The following MYO9B variants were observed in gnomAD, a reference collection of about 807,000 sequenced individuals.
MYO9B encodes unconventional myosin-IXb.
Under a neutral mutation model 229.5 loss-of-function variants are expected in MYO9B, and 71 were observed. The observed-to-expected ratio is 0.31, with a 90% confidence interval of 0.26 to 0.38. The LOEUF (loss-of-function observed/expected upper bound fraction) is 0.38. MYO9B is among the 10% of genes least tolerant of loss of function. MYO9B has a pLI of 1.00. For missense variants in MYO9B, 2,255 were observed against 2,920.5 expected (o/e 0.77, Z 5.25); for synonymous variants, 1,185 against 1,235.8 (o/e 0.96, Z 0.86).
At chr19:17,138,362 C>T (rs910923824) in intron 2 of MYO9B, among the ~76,000 whole-genome samples, 4 of 152,150 alleles carry the variant, frequency 2.6e-5, no homozygotes, top group African/African-American at 9.7e-5. Context: ...AGTAAACATA[C>T]GTGTGCATGT....
At chr19:17,117,744 C>T (rs10412482) in intron 2 of MYO9B, among the ~76,000 whole-genome samples, 58,033 of 151,550 alleles carry the variant, frequency 0.38, 12,168 homozygotes, top group African/African-American at 0.54. Flanking sequence ...TGGAGACCAG[C>T]CTGGCCAACA....
At chr19:17,114,899 T>C (rs909523051) in intron 2 of MYO9B, among the ~76,000 whole-genome samples, 10 of 151,320 alleles carry the variant, frequency 6.6e-5, no homozygotes, top group Middle Eastern at 3.5e-3. Context: ...CATTATCTCT[T>C]TTGGTTCCCC....
At chr19:17,185,191 C>T (rs1435663433) in intron 17 of MYO9B, among the ~76,000 whole-genome samples, 2 of 152,008 alleles carry the variant, frequency 1.3e-5, no homozygotes, top group African/African-American at 2.4e-5. Flanking sequence ...CTTGCTAACA[C>T]GGTGAAACCC....
In MYO9B at chr19:17,116,363, C is replaced by T. The variant is rs1016168183; in HGVS notation, c.840+13806C>T. On this transcript the variant is annotated intron_variant, in intron 2 of 39. Coordinates refer to ENST00000682292, the MANE Select transcript of MYO9B (RefSeq NM_004145.4). ...CTGACCAGAGGTGCATGCCCAAGGC[C>T]GCAAACCCCCTAGGAGGAAGCTGGC... 5.9e-5 allele frequency among the ~76,000 whole-genome samples: 9 copies of T among 152,236 alleles called. No individual in the cohort carries two copies. In the East Asian group the frequency reaches 9.7e-4, roughly 16 times the overall value.
chr19:17,118,258 C>T (rs1427318762), intron 2 of MYO9B, among the ~76,000 whole-genome samples: 1 of 151,826 alleles, frequency 6.6e-6, no homozygotes, highest in Non-Finnish European at 1.5e-5. Context: ...AAAATCTGGT[C>T]TGGCGCTCTG....
intron 2 of MYO9B, among the ~76,000 whole-genome samples, chr19:17,137,457 C>A (rs1010583429): frequency 1.3e-5 from 2 of 152,060 alleles, no homozygotes; most frequent in East Asian, 3.9e-4. Context: ...TGACCCAGTC[C>A]GCCCCCACCA....
chr19:17,147,332 C>T (rs571661295), intron 3 of MYO9B, among the ~76,000 whole-genome samples: 2 of 152,106 alleles, frequency 1.3e-5, no homozygotes, highest in East Asian at 1.9e-4. Context: ...CACCTGAAGT[C>T]GGGAGTTCAA....
chr19:17,159,603 G>A lies in MYO9B; in HGVS notation c.1419+119G>A, dbSNP rs949653322. On this transcript the variant is annotated intron_variant, in intron 8 of 39. Transcript: ENST00000682292. ...CCCTGAATGCTAGAATGGAACCTAG[G>A]CAGTGCCTCTGATTGTCATGCAAGC... The A allele has an allele frequency of 4.4e-6, 4 of 908,704 alleles. No homozygotes were observed. The African/African-American group carries it at 5.0e-5, about 11-fold the overall frequency. 56.3% of individuals were successfully genotyped at this position (908,704 alleles called of 1,614,324 possible). A position where few individuals can be genotyped will look rare whatever the true frequency, so the allele number is the denominator to read the frequency against.
At chr19:17,144,161 A>C (rs1286132776) in intron 2 of MYO9B, among the ~76,000 whole-genome samples, 2 of 151,914 alleles carry the variant, frequency 1.3e-5, no homozygotes, top group African/African-American at 4.8e-5. Context: ...AGTTGCAGTG[A>C]GCTGAGATCA....
chr19:17,183,326 G>A (rs1161029118), intron 15 of MYO9B, among the ~76,000 whole-genome samples: 3 of 152,154 alleles, frequency 2.0e-5, no homozygotes, highest in Non-Finnish European at 2.9e-5. Context: ...GCCAGCAGAG[G>A]GTTCCAGAAG....
At chr19:17,203,424 C>T (rs915167357) in intron 30 of MYO9B, among the ~76,000 whole-genome samples, 166 bp downstream of exon 30, 5 of 151,886 alleles carry the variant, frequency 3.3e-5, no homozygotes, top group Non-Finnish European at 7.4e-5. Flanking sequence ...ACCAGCCTGG[C>T]CAAGATGGTG....
intron 2 of MYO9B, among the ~76,000 whole-genome samples, chr19:17,105,214 G>A (rs929055890): frequency 2.6e-5 from 4 of 151,346 alleles, no homozygotes; most frequent in African/African-American, 7.3e-5. Context: ...AGTTGGGCAC[G>A]GTGGCTTACA....
intron 18 of MYO9B, among the ~76,000 whole-genome samples, chr19:17,186,464 G>A (rs1044832099): frequency 2.0e-5 from 3 of 152,146 alleles, no homozygotes; most frequent in African/African-American, 7.2e-5. Flanking sequence ...CCATCCCTGG[G>A]AGGACAGCTC....
chr19:17,183,511 A>C (rs1035413142), intron 15 of MYO9B, among the ~76,000 whole-genome samples: 1 of 152,142 alleles, frequency 6.6e-6, no homozygotes, highest in Admixed American at 6.5e-5. Context: ...CACCCTGTAG[A>C]TTCCTAGCCA....
intron 39 of MYO9B, 39 bp downstream of exon 39, chr19:17,211,813 C>T (rs1483161068): frequency 3.7e-6 from 6 of 1,612,160 alleles, no homozygotes; most frequent in Non-Finnish European, 5.1e-6. Flanking sequence ...TCCTTCCCGT[C>T]CATCCCAGCA....
At position 17,094,015 on chromosome 19, in the gene MYO9B, TTTGTTGTTGTTG is replaced by T. The variant is rs141113380; in HGVS notation, c.-58-7618_-58-7607del. On this transcript the variant is annotated intron_variant, in intron 1 of 39. Coordinates refer to ENST00000682292, the MANE Select transcript of MYO9B (RefSeq NM_004145.4). ...GTAGGCATGAGCCACTGCAGCTGGC[TTTGTTGTTGTTG>T]TTGTTGTTGTTGTTGTTGTTGTTGT... 0.01 allele frequency among the ~76,000 whole-genome samples: 1,545 copies of T among 148,620 alleles called. 119 individuals are homozygous for T. In the East Asian group the frequency reaches 0.21, roughly 20 times the overall value.
Position 17,143,876 on chromosome 19 carries a change from G to T in MYO9B, c.841-1521G>T, listed in dbSNP as rs988955307. 2.0e-5 allele frequency among the ~76,000 whole-genome samples: 3 copies of T among 152,012 alleles called. 1 individual carries two copies. Among genetic ancestry groups the T allele is most frequent in the Non-Finnish European group, 4.4e-5 (3 of 68,012 alleles). ...GTGGAGGTTGCAGTGAGCCGAGATC[G>T]TGCCACTGCACCCCAGCCTGGGCAA... On this transcript the variant is annotated intron_variant, in intron 2 of 39. Transcript: ENST00000682292.
chr19:17,191,643 G>A (rs1481769084), intron 20 of MYO9B, among the ~76,000 whole-genome samples: 3 of 152,112 alleles, frequency 2.0e-5, no homozygotes, highest in East Asian at 1.9e-4. Context: ...TTTAACAAGC[G>A]CCAAGGTCAG....
rs555438817 is a variant in MYO9B at position 17,095,019 on chromosome 19, A to C, written c.-58-6641A>C. ...TTTGGGAGGCTGAGGTGGGCAGATC[A>C]CTTGAAGTCAGGAGTTCCAGACCAG... On this transcript the variant is annotated intron_variant, in intron 1 of 39. Coordinates refer to ENST00000682292, the MANE Select transcript of MYO9B (RefSeq NM_004145.4). Among the ~76,000 whole-genome samples the C allele has an allele frequency of 4.3e-4, 66 of 152,224 alleles. 1 individual carries two copies. Among genetic ancestry groups the C allele is most frequent in the South Asian group, 2.7e-3 (13 of 4,818 alleles).
Sources: allele counts gnomAD v4.1 joint callset (sites outside exome capture counted in the v4.1 genomes callset), GRCh38; gene constraint gnomAD v4.1.1; transcripts MANE v1.5; gene names NCBI Gene and HGNC (gene_info 2026-07-23, HGNC 2026-07-21).